RBM42: variants seen among roughly 807,000 people sequenced by gnomAD.
The protein encoded by RBM42 is RNA binding motif protein 42.
Under a neutral mutation model 41.4 loss-of-function variants are expected in RBM42, and 21 were observed. That is an observed-to-expected ratio of 0.51 (90% CI 0.36 to 0.73). The LOEUF is 0.73. Among genes scored for constraint, RBM42 ranks in the 30% least tolerant of loss-of-function variants. The pLI is 0.00. For missense variants in RBM42, 539 were observed against 680.4 expected (o/e 0.79, Z 2.31); for synonymous variants, 272 against 271.2 (o/e 1.00, Z -0.03).
chr19:35,634,045 G>A lies in RBM42; in HGVS notation c.1017+26G>A, dbSNP rs758744881. 4.1e-6 allele frequency: 6 copies of A among 1,470,184 alleles called. No individual in the cohort carries two copies. The East Asian group carries it at 1.5e-4, about 36-fold the overall frequency. 91.1% of individuals were successfully genotyped at this position (1,470,184 alleles called of 1,614,324 possible). ...GTAAGCAGGGAGCCTAGCGGTGAAG[G>A]GACAGAAGGGACGGGGGGCAGACAG... is the stretch of plus-strand genomic sequence containing the variant. On this transcript the variant is annotated intron_variant, in intron 7 of 9. Coordinates refer to ENST00000262633, the MANE Select transcript of RBM42 (RefSeq NM_024321.5).
At chr19:35,633,655 C>G in intron 6 of RBM42, 32 bp from the exon 7 acceptor site, 1 of 1,397,788 alleles carries the variant, frequency 7.2e-7, no homozygotes, top group Non-Finnish European at 9.3e-7. Context: ...GCCTGTGAGC[C>G]GGCCCCCCTC....
In RBM42 at chr19:35,633,081, C is replaced by T. The variant is rs778914117; in HGVS notation, c.513C>T (p.Ser171=). 5.6e-6 allele frequency: 9 copies of T among 1,612,728 alleles called. No individual in the cohort carries two copies. The highest frequency in any genetic ancestry group is 1.7e-4 in the Middle Eastern group (1 of 6,058). Residue 171 remains serine (S), a synonymous_variant, in exon 6 of 10, where the codon TCC becomes TCT. Transcript: ENST00000262633. ...TCCCCACTAACACCCTGACAGATTCCGCTCTCTCCTCTGCAGCAGCCGGCC... is the reference window on the plus strand; with the variant it reads ...TCCCCACTAACACCCTGACAGATTCTGCTCTCTCCTCTGCAGCAGCCGGCC... The part of the protein sequence containing the change: ...FVPHVLQRAD[S]ALSSAAAGPR...
At position 35,629,212 on chromosome 19, in the gene RBM42, G is replaced by C; in HGVS notation, c.59G>C (p.Gly20Ala). The change falls in exon 1 of 10, where the codon GGT (glycine) becomes GCT (alanine). Residue 20 changes from glycine to alanine, a missense_variant. Around this residue, in one of 2 missense-constraint regions of RBM42, gnomAD observed 429 missense variants for 488.9 expected, o/e 0.88. Coordinates refer to ENST00000262633, the MANE Select transcript of RBM42 (RefSeq NM_024321.5). ...LPGAGGPVVP[G>A]PGAGIPGKSG... ...GGTGCAGGAGGACCCGTGGTCCCGG[G>C]TCCTGGCGCTGGCATCCCGGGCAAA... 1 of 1,538,490 alleles carries C rather than the reference G, an allele frequency of 6.5e-7. No homozygotes were observed. The highest frequency in any genetic ancestry group is 8.7e-7 in the Non-Finnish European group (1 of 1,145,294).
chr19:35,633,927 C>G lies in RBM42; in HGVS notation c.925C>G (p.Leu309Val). Reference protein sequence around the residue: ...PLPLEVVRGLLPPLRIPELLS... With the variant: ...PLPLEVVRGLVPPLRIPELLS... Reference sequence around the variant, plus strand: ...CCCGTTGGAGGTCGTCCGCGGCCTCCTGCCCCCGCTGCGCATTCCTGAACT... The same window carrying G: ...CCCGTTGGAGGTCGTCCGCGGCCTCGTGCCCCCGCTGCGCATTCCTGAACT... The change falls in exon 7 of 10, where the codon CTG becomes GTG. Residue 309 changes from leucine to valine, a missense_variant. Transcript: ENST00000262633. 1 of 1,583,566 alleles carries G rather than the reference C, an allele frequency of 6.3e-7. No homozygotes were observed. Among genetic ancestry groups the G allele is most frequent in the Non-Finnish European group, 8.5e-7 (1 of 1,169,862 alleles).
chr19:35,634,549 G>A (rs568158967), intron 8 of RBM42, among the ~76,000 whole-genome samples, 176 bp downstream of exon 8: 9 of 152,298 alleles, frequency 5.9e-5, no homozygotes, highest in African/African-American at 1.4e-4. Context: ...GCCATGGGCC[G>A]GAGCTTGGTG....
Position 35,633,089 on chromosome 19 carries a change from C to G in RBM42, c.521C>G (p.Ser174Cys). Residue 174 changes from serine (S) to cysteine (C), a missense_variant, in exon 6 of 10, where the codon TCC becomes TGC. This residue lies in a region of RBM42 where 429 missense variants were observed against 488.9 expected (regional missense o/e 0.88). Coordinates refer to ENST00000262633, the MANE Select transcript of RBM42 (RefSeq NM_024321.5). Reference sequence around the variant, plus strand: ...AACACCCTGACAGATTCCGCTCTCTCCTCTGCAGCAGCCGGCCCCCGCCCT... The same window carrying G: ...AACACCCTGACAGATTCCGCTCTCTGCTCTGCAGCAGCCGGCCCCCGCCCT... ...HVLQRADSAL[S>C]SAAAGPRPMA... The G allele has an allele frequency of 6.2e-7, 1 of 1,613,066 alleles. No individual in the cohort carries two copies. Among genetic ancestry groups the G allele is most frequent in the Non-Finnish European group, 8.5e-7 (1 of 1,179,034 alleles).
rs1027942975 is a variant in RBM42 at position 35,634,143 on chromosome 19, CCACATCCAGAAG to C, written c.1018-103_1018-92del. Reference sequence around the variant, plus strand: ...GGGGAGGGAGGCGGACACATGTGCCCCACATCCAGAAGCACATCCAGCCCTTACTGTGGTGGC... The same window carrying C: ...GGGGAGGGAGGCGGACACATGTGCCCCACATCCAGCCCTTACTGTGGTGGC... On this transcript the variant is annotated intron_variant, in intron 7 of 9. Coordinates refer to ENST00000262633, the MANE Select transcript of RBM42 (RefSeq NM_024321.5). The C allele has an allele frequency of 2.8e-5, 43 of 1,539,400 alleles. No individual in the cohort carries two copies. The African/African-American group carries it at 5.3e-4, about 19-fold the overall frequency.
chr19:35,633,042 C>A, intron 5 of RBM42, 35 bp from the exon 6 acceptor site: 1 of 1,606,072 alleles, frequency 6.2e-7, no homozygotes, highest in Non-Finnish European at 8.5e-7. Context: ...ATAACTCCCC[C>A]CAGGCCCTGG....
At chr19:35,629,827 G>A (rs1967374109) in intron 2 of RBM42, among the ~76,000 whole-genome samples, 154 bp downstream of exon 2, 1 of 152,214 alleles carries the variant, frequency 6.6e-6, no homozygotes, top group South Asian at 2.1e-4. Flanking sequence ...TAATGACTGA[G>A]AGAGACATTT....
chr19:35,635,171 C>T lies in RBM42; in HGVS notation c.1135+798C>T, dbSNP rs554153824. 7.9e-5 allele frequency among the ~76,000 whole-genome samples: 12 copies of T among 151,644 alleles called. No individual in the cohort carries two copies. The South Asian group carries it at 1.3e-3, about 16-fold the overall frequency. Reference sequence around the variant, plus strand: ...GTCTCTAAAAATACAAAAAAATTAGCCAGGCTTGGTGGGAGGCACCTATAA... The same window carrying T: ...GTCTCTAAAAATACAAAAAAATTAGTCAGGCTTGGTGGGAGGCACCTATAA... On this transcript the variant is annotated intron_variant, in intron 8 of 9. Transcript: ENST00000262633.
intron 3 of RBM42, 36 bp from the exon 4 acceptor site, chr19:35,631,295 C>T: frequency 3.7e-6 from 6 of 1,612,886 alleles, no homozygotes; most frequent in Non-Finnish European, 5.1e-6. Context: ...GCACAGGACT[C>T]TCCTCCCACC....
Position 35,637,587 on chromosome 19 carries a change from C to T in RBM42, c.*33C>T, listed in dbSNP as rs374379071. ...GGCCAGGCACCCGCTCCCACCTGGCCGGGCGCTGGCTCCTCCCTCAGTTCT... is the reference window on the plus strand; with the variant it reads ...GGCCAGGCACCCGCTCCCACCTGGCTGGGCGCTGGCTCCTCCCTCAGTTCT... On this transcript the variant is annotated 3_prime_UTR_variant, in exon 10 of 10. Transcript: ENST00000262633. The surrounding 1 kb of genome is among the most constrained non-coding windows in gnomAD (Gnocchi z 7.0). 2.4e-5 allele frequency: 37 copies of T among 1,548,506 alleles called. No individual in the cohort carries two copies. Among genetic ancestry groups the T allele is most frequent in the Admixed American group, 8.7e-5 (5 of 57,536 alleles).
chr19:35,630,678 A>G (rs1398771150), intron 2 of RBM42, among the ~76,000 whole-genome samples: 2 of 152,170 alleles, frequency 1.3e-5, no homozygotes, highest in African/African-American at 4.8e-5. Context: ...AGGCAGGAAT[A>G]TCACTTGAAC....
Position 35,637,548 on chromosome 19 carries a change from G to C in RBM42, c.1437G>C (p.Leu479=). ...AGAAGGAAAAGAAGAAGCTGGGCCT[G>C]AGATAGGGTCTGTGGCCAGGCACCC... ...KKQKEKKKLG[L]R is the part of the protein sequence containing the mutation. The change falls in exon 10 of 10, where the codon CTG becomes CTC. Residue 479 remains leucine, a synonymous_variant. Coordinates refer to ENST00000262633, the MANE Select transcript of RBM42 (RefSeq NM_024321.5). This position sits in a 1 kb window ranked among gnomAD's most constrained non-coding sequence, Gnocchi z 7.0. The C allele has an allele frequency of 1.2e-6, 2 of 1,613,990 alleles. No individual in the cohort carries two copies.
At chr19:35,636,072 C>T (rs1299192845) in intron 8 of RBM42, among the ~76,000 whole-genome samples, 2 of 152,012 alleles carry the variant, frequency 1.3e-5, no homozygotes, top group African/African-American at 2.4e-5. Flanking sequence ...CTCCTGGGAC[C>T]GTCTACCTGG....
chr19:35,635,080 G>A (rs908561715), intron 8 of RBM42, among the ~76,000 whole-genome samples: 4 of 151,530 alleles, frequency 2.6e-5, no homozygotes, highest in Admixed American at 1.3e-4. Flanking sequence ...TTTGGGAGGC[G>A]GAGGCAGGTG....
chr19:35,631,064 G>C, intron 2 of RBM42, 76 bp from the exon 3 acceptor site: 1 of 1,265,938 alleles, frequency 7.9e-7, no homozygotes, highest in South Asian at 1.2e-5. Context: ...TGAAGCTCTT[G>C]GTCTCTTGGG....
intron 4 of RBM42, chr19:35,632,014 C>G (rs772823823): frequency 6.5e-6 from 1 of 154,068 alleles, no homozygotes; most frequent in Non-Finnish European, 1.4e-5. Flanking sequence ...TTCAGGTAAC[C>G]TTTACTCACA....
At chr19:35,634,658 T>A (rs1374432160) in intron 8 of RBM42, among the ~76,000 whole-genome samples, 1 of 139,666 alleles carries the variant, frequency 7.2e-6, no homozygotes, top group Non-Finnish European at 1.6e-5. Context: ...GGATAAAAAT[T>A]TTTTTTTTTT....
Sources: allele counts gnomAD v4.1 joint callset (sites outside exome capture counted in the v4.1 genomes callset), GRCh38; gene constraint gnomAD v4.1.1; regional missense constraint gnomAD v4.1.1; non-coding constraint Gnocchi (gnomAD v3.1); transcripts MANE v1.5; gene names NCBI Gene and HGNC (gene_info 2026-07-23, HGNC 2026-07-21).